Variants in RBFOX1 observed in about 807,000 individuals in gnomAD.
The protein encoded by RBFOX1 is RNA binding protein fox-1 homolog 1.
In RBFOX1, 8 loss-of-function variants were observed where a neutral mutation model predicts 57.7. The ratio of observed to expected loss-of-function variants is 0.14; its 90% CI spans 0.08 to 0.25. RBFOX1 has a LOEUF of 0.25. RBFOX1 is among the 10% of genes least tolerant of loss of function. The pLI is 1.00. For synonymous variants in RBFOX1, 326 were observed against 222.4 expected (o/e 1.47, Z -4.15); for missense variants, 611 against 548.5 (o/e 1.11, Z -1.14).
intron 1 of RBFOX1, among the ~76,000 whole-genome samples, chr16:6,048,904 C>T (rs377272108): frequency 6.6e-6 from 1 of 151,920 alleles, no homozygotes; most frequent in East Asian, 1.9e-4. Flanking sequence ...GGGTTTCTGT[C>T]CTTTTTAGAT....
chr16:7,601,685 A>G (rs74811561), intron 9 of RBFOX1, among the ~76,000 whole-genome samples: 172 of 152,288 alleles, frequency 1.1e-3, no homozygotes, highest in African/African-American at 3.9e-3. Flanking sequence ...TAATCTCCCT[A>G]TCAGTCTCAC....
At chr16:5,984,006 C>T (rs1334703394) in intron 4 of RBFOX1, among the ~76,000 whole-genome samples, 1 of 141,622 alleles carries the variant, frequency 7.1e-6, no homozygotes, top group East Asian at 2.2e-4. Context: ...TCTTCTTCTC[C>T]TTCCTCCTTT....
chr16:5,288,048 T>G (rs566854464), intron 1 of RBFOX1, among the ~76,000 whole-genome samples: 91 of 152,346 alleles, frequency 6.0e-4, no homozygotes, highest in African/African-American at 2.1e-3. Context: ...CTCGATGTCC[T>G]GCAGGTCTGC....
chr16:7,507,876 T>C (rs1330847560), intron 4 of RBFOX1, among the ~76,000 whole-genome samples: 3 of 151,712 alleles, frequency 2.0e-5, no homozygotes. Flanking sequence ...ATCTGTTATT[T>C]TTAAAAGAAT....
At chr16:6,114,175 C>A in intron 1 of RBFOX1, among the ~76,000 whole-genome samples, 1 of 152,040 alleles carries the variant, frequency 6.6e-6, no homozygotes, top group Non-Finnish European at 1.5e-5. Flanking sequence ...TAGCAATGAA[C>A]TTCTTCTCTT....
At chr16:5,676,166 G>T (rs917875324) in intron 3 of RBFOX1, among the ~76,000 whole-genome samples, 1 of 152,048 alleles carries the variant, frequency 6.6e-6, no homozygotes, top group African/African-American at 2.4e-5. Flanking sequence ...TAGATGATGG[G>T]TTGATAGGTG....
At chr16:7,460,247 A>C (rs1963643980) in intron 4 of RBFOX1, among the ~76,000 whole-genome samples, 1 of 151,542 alleles carries the variant, frequency 6.6e-6, no homozygotes. Context: ...GAAGAAGAAC[A>C]AAAAATATCC....
At chr16:6,618,155 G>A (rs1301623070) in intron 2 of RBFOX1, among the ~76,000 whole-genome samples, 1 of 152,118 alleles carries the variant, frequency 6.6e-6, no homozygotes. Context: ...GGGACATGAG[G>A]AGGGGTTAGT....
intron 1 of RBFOX1, among the ~76,000 whole-genome samples, chr16:5,264,956 T>C (rs1331576086): frequency 6.6e-6 from 1 of 152,190 alleles, no homozygotes; most frequent in African/African-American, 2.4e-5. Flanking sequence ...GGAGTTGTTA[T>C]TGCAGCAAAA....
intron 4 of RBFOX1, chr16:7,431,104 C>T (rs2098675245): frequency 6.6e-6 from 1 of 152,170 alleles, no homozygotes; most frequent in Non-Finnish European, 1.5e-5. Context: ...AACCTCAAAC[C>T]CAAACTGACT....
In RBFOX1 at chr16:5,830,117, A is replaced by G. The variant is rs77494299; in HGVS notation, c.319-37186A>G. 8.8e-3 allele frequency among the ~76,000 whole-genome samples: 1,334 copies of G among 152,336 alleles called. 12 individuals are homozygous for G. The highest frequency in any genetic ancestry group is 0.014 in the Non-Finnish European group (960 of 68,030). On this transcript the variant is annotated intron_variant, in intron 3 of 19. Coordinates refer to the RBFOX1 transcript ENST00000641259. ...GTCTAGCATCCATCTTGTGGGCTGCAATGCTCATTTGCAAATCGTCCTGGA... is the reference window on the plus strand; with the variant it reads ...GTCTAGCATCCATCTTGTGGGCTGCGATGCTCATTTGCAAATCGTCCTGGA...
intron 1 of RBFOX1, among the ~76,000 whole-genome samples, chr16:6,121,930 C>G (rs1407843425): frequency 1.3e-5 from 2 of 152,126 alleles, no homozygotes; most frequent in African/African-American, 4.8e-5. Flanking sequence ...GAGACAGAGT[C>G]TCATTCACTG....
At chr16:7,214,720 C>A (rs572542628) in intron 4 of RBFOX1, among the ~76,000 whole-genome samples, 2 of 152,070 alleles carry the variant, frequency 1.3e-5, no homozygotes, top group Non-Finnish European at 2.9e-5. Flanking sequence ...ACTGCGCGAT[C>A]TTTCTTTTTG....
chr16:7,035,137 T>C (rs990428654), intron 3 of RBFOX1, among the ~76,000 whole-genome samples: 2 of 151,986 alleles, frequency 1.3e-5, no homozygotes, highest in Non-Finnish European at 1.5e-5. Flanking sequence ...TGTGAGCCGC[T>C]GCACCGGGCC....
intron 4 of RBFOX1, among the ~76,000 whole-genome samples, chr16:5,949,905 C>G (rs556435028): frequency 6.6e-5 from 10 of 152,288 alleles, no homozygotes; most frequent in African/African-American, 2.2e-4. Context: ...CATAGAGTGT[C>G]TGTCTCATAA....
chr16:7,545,311 G>A (rs865859779), intron 5 of RBFOX1, among the ~76,000 whole-genome samples: 3 of 144,344 alleles, frequency 2.1e-5, no homozygotes, highest in Non-Finnish European at 3.0e-5. Context: ...GGCAGGGTGC[G>A]GGTCATGGGG....
chr16:5,392,449 T>C (rs903697822), intron 1 of RBFOX1, among the ~76,000 whole-genome samples: 9 of 152,080 alleles, frequency 5.9e-5, no homozygotes, highest in Admixed American at 5.2e-4. Flanking sequence ...CAGTGTAAAA[T>C]TCTAAACATA....
chr16:5,467,363 C>G, intron 2 of RBFOX1: 3 of 1,056,578 alleles, frequency 2.8e-6, no homozygotes, highest in Admixed American at 2.3e-5. Flanking sequence ...CCAGGGCAGA[C>G]ATCTGTAATC....
intron 4 of RBFOX1, among the ~76,000 whole-genome samples, chr16:7,195,109 C>A (rs1263167399): frequency 6.6e-6 from 1 of 152,156 alleles, no homozygotes; most frequent in East Asian, 1.9e-4. Context: ...AGTCTATCAA[C>A]ACCCTTAAGT....
Sources: gnomAD v4.1 joint callset for allele counts (sites outside exome capture counted in the v4.1 genomes callset) on GRCh38, gnomAD v4.1.1 for gene constraint, MANE v1.5 for transcripts, NCBI Gene and HGNC (gene_info 2026-07-23, HGNC 2026-07-21) for gene names.